AKT3: variants seen among roughly 807,000 people sequenced by gnomAD.
AKT3 encodes AKT serine/threonine kinase 3.
Under a neutral mutation model 65.3 loss-of-function variants are expected in AKT3, and 15 were observed. That is an observed-to-expected ratio of 0.23 (90% confidence interval 0.15 to 0.35). The LOEUF is 0.35. Among genes scored for constraint, AKT3 ranks in the 10% least tolerant of loss-of-function variants. The pLI is 1.00. For synonymous variants in AKT3, 206 were observed against 183.8 expected (o/e 1.12, Z -0.98); for missense variants, 243 against 576.5 (o/e 0.42, Z 5.92).
Position 243,655,079 on chromosome 1 carries a change from G to A in AKT3, c.285-9042C>T, listed in dbSNP as rs1055110886. On this transcript the variant is annotated intron_variant, in intron 4 of 13. Coordinates refer to ENST00000673466, the MANE Select transcript of AKT3 (RefSeq NM_005465.7). ...TATATATATGTAAGACATGCTCACC[G>A]CATTGTTTTTATCTTACATTCTATT... is the stretch of plus-strand genomic sequence containing the variant. Among the ~76,000 whole-genome samples, 20 of 151,824 alleles carry A rather than the reference G, an allele frequency of 1.3e-4. 1 individual carries two copies. The highest frequency in any genetic ancestry group is 6.6e-4 in the Admixed American group (10 of 15,240).
intron 3 of AKT3, among the ~76,000 whole-genome samples, chr1:243,686,127 C>T (rs1416704029): frequency 6.6e-6 from 1 of 152,150 alleles, no homozygotes; most frequent in Admixed American, 6.5e-5. Context: ...AATGGAAAAA[C>T]ATTCCATGCT....
intron 2 of AKT3, among the ~76,000 whole-genome samples, chr1:243,811,168 A>C (rs1456016386): frequency 6.6e-6 from 1 of 152,174 alleles, no homozygotes; most frequent in African/African-American, 2.4e-5. Flanking sequence ...TGGAAGTTCT[A>C]GCCGGGGCAA....
intron 2 of AKT3, among the ~76,000 whole-genome samples, chr1:243,774,967 A>G (rs931673419): frequency 6.6e-6 from 1 of 152,132 alleles, no homozygotes; most frequent in African/African-American, 2.4e-5. Context: ...GGCTCAATGG[A>G]TCCTCCCACC....
chr1:243,611,175 A>C (rs1380955954), intron 8 of AKT3, among the ~76,000 whole-genome samples: 1 of 152,222 alleles, frequency 6.6e-6, no homozygotes, highest in Non-Finnish European at 1.5e-5. Context: ...CCAAAACTGC[A>C]TCCACAGTTT....
chr1:243,645,890 T>C lies in AKT3; in HGVS notation c.429+3A>G, dbSNP rs1680774455. ...GTGCTGGGAATAAGTTATTATTTTC[T>C]ACCTTTCTTTTATGATGGGTTGTAG... On this transcript the variant is annotated splice_donor_region_variant and intron_variant, in intron 5 of 13. Transcript: ENST00000673466. 6.2e-7 allele frequency: 1 copy of C among 1,604,040 alleles called. No homozygotes were observed. The highest frequency in any genetic ancestry group is 8.5e-7 in the Non-Finnish European group (1 of 1,175,462).
chr1:243,555,087 T>TGAAC (rs2148470892), intron 10 of AKT3, among the ~76,000 whole-genome samples: 1 of 152,330 alleles, frequency 6.6e-6, no homozygotes, highest in South Asian at 2.1e-4. Context: ...ATTTTGCCTC[T>TGAAC]GAACATACGT....
At chr1:243,657,845 C>T (rs1030003022) in intron 4 of AKT3, among the ~76,000 whole-genome samples, 3 of 152,076 alleles carry the variant, frequency 2.0e-5, no homozygotes, top group African/African-American at 7.2e-5. Context: ...TATATATATA[C>T]AGTCAAATGA....
intron 2 of AKT3, among the ~76,000 whole-genome samples, chr1:243,769,586 A>G (rs1690047682): frequency 1.3e-5 from 2 of 152,102 alleles, no homozygotes; most frequent in South Asian, 4.1e-4. Flanking sequence ...CCATTTGATT[A>G]TCTTCTTTGG....
At chr1:243,582,899 G>A (rs544876234) in intron 8 of AKT3, among the ~76,000 whole-genome samples, 1 of 151,022 alleles carries the variant, frequency 6.6e-6, no homozygotes, top group Non-Finnish European at 1.5e-5. Flanking sequence ...TAGGCTCAAA[G>A]TAAAGGTTTG....
At chr1:243,720,859 C>T (rs1300381413) in intron 2 of AKT3, among the ~76,000 whole-genome samples, 1 of 152,084 alleles carries the variant, frequency 6.6e-6, no homozygotes, top group East Asian at 1.9e-4. Context: ...GCATGTAAAG[C>T]ATTCTTTTAA....
At chr1:243,790,202 G>T (rs1691527613) in intron 2 of AKT3, among the ~76,000 whole-genome samples, 1 of 152,110 alleles carries the variant, frequency 6.6e-6, no homozygotes, top group African/African-American at 2.4e-5. Flanking sequence ...ATGAAGTCCT[G>T]GATAACATCT....
At chr1:243,782,508 G>A (rs1039352600) in intron 2 of AKT3, among the ~76,000 whole-genome samples, 17 of 152,114 alleles carry the variant, frequency 1.1e-4, no homozygotes, top group African/African-American at 4.1e-4. Context: ...TATGCAGGCA[G>A]AGCCCTCATG....
At chr1:243,643,245 C>G (rs1471599453) in intron 5 of AKT3, among the ~76,000 whole-genome samples, 1 of 152,164 alleles carries the variant, frequency 6.6e-6, no homozygotes, top group Non-Finnish European at 1.5e-5. Context: ...TTAGGTGATA[C>G]AATCCCAAGA....
At chr1:243,527,936 C>CAGAG (rs141407272) in intron 12 of AKT3, among the ~76,000 whole-genome samples, 3 of 38,246 alleles carry the variant, frequency 7.8e-5, no homozygotes, top group South Asian at 1.6e-3. Context: ...CACACACACA[C>CAGAG]AGAGAGAGAG....
At chr1:243,735,530 A>G (rs531084726) in intron 2 of AKT3, 20 of 152,344 alleles carry the variant, frequency 1.3e-4, no homozygotes, top group African/African-American at 4.6e-4. Flanking sequence ...ACATTACTTT[A>G]TACCCAGAAA....
At chr1:243,663,418 C>T (rs1036970514) in intron 4 of AKT3, among the ~76,000 whole-genome samples, 1 of 151,220 alleles carries the variant, frequency 6.6e-6, no homozygotes, top group African/African-American at 2.4e-5. Context: ...GGAGAAAAGG[C>T]CCAGGATCAA....
intron 12 of AKT3, among the ~76,000 whole-genome samples, chr1:243,520,161 T>A (rs1182767703): frequency 6.6e-6 from 1 of 152,204 alleles, no homozygotes; most frequent in Non-Finnish European, 1.5e-5. Context: ...TTTAAAAAAG[T>A]AACTGCATTA....
chr1:243,618,221 G>A (rs764815385), intron 6 of AKT3, among the ~76,000 whole-genome samples: 3 of 152,140 alleles, frequency 2.0e-5, no homozygotes, highest in Middle Eastern at 3.4e-3. Context: ...AAGTAAAGAC[G>A]TATGGAGGCA....
chr1:243,584,163 G>A (rs1446441979), intron 8 of AKT3, among the ~76,000 whole-genome samples: 3 of 152,080 alleles, frequency 2.0e-5, no homozygotes, highest in Admixed American at 1.3e-4. Flanking sequence ...ACAGGAATAC[G>A]AAAGGTCCTC....
Sources: gnomAD v4.1 joint callset for allele counts (sites outside exome capture counted in the v4.1 genomes callset) on GRCh38, gnomAD v4.1.1 for gene constraint, MANE v1.5 for transcripts, NCBI Gene and HGNC (gene_info 2026-07-23, HGNC 2026-07-21) for gene names.